Variants in MAF observed in about 807,000 individuals in gnomAD.
The protein encoded by MAF is MAF bZIP transcription factor, also known as transcription factor Maf.
Under a neutral mutation model 22.0 loss-of-function variants are expected in MAF, and 10 were observed. That is an observed-to-expected ratio of 0.45 (90% CI 0.28 to 0.77). MAF has a LOEUF of 0.77. Among genes scored for constraint, MAF ranks in the 30% least tolerant of loss-of-function variants. The pLI, the probability that MAF is intolerant of heterozygous loss-of-function variation, is 0.12. For synonymous variants in MAF, 337 were observed against 255.8 expected (o/e 1.32, Z -3.03); for missense variants, 544 against 548.4 (o/e 0.99, Z 0.08).
the MAF span, among the ~76,000 whole-genome samples, chr16:79,340,998 C>G: frequency 6.6e-6 from 1 of 152,118 alleles, no homozygotes; most frequent in South Asian, 2.1e-4. Context: ...GAGGGACCAG[C>G]TATGCAAAGA....
At chr16:79,386,112 G>A in the MAF span, among the ~76,000 whole-genome samples, 12,241 of 152,184 alleles carry the variant, frequency 0.08, 568 homozygotes, top group South Asian at 0.14. Flanking sequence ...TTTGGCACCA[G>A]GGACTGGTTT....
chr16:79,575,281 G>C, the MAF span, among the ~76,000 whole-genome samples: 1 of 152,154 alleles, frequency 6.6e-6, no homozygotes, highest in African/African-American at 2.4e-5. Context: ...CCCATTATCA[G>C]AAAAGCAGGC....
chr16:79,468,199 G>A, the MAF span, among the ~76,000 whole-genome samples: 1 of 152,120 alleles, frequency 6.6e-6, no homozygotes. Flanking sequence ...CTCACGAGAA[G>A]GTACAGGTGA....
At chr16:79,231,264 G>A in the MAF span, among the ~76,000 whole-genome samples, 1 of 151,984 alleles carries the variant, frequency 6.6e-6, no homozygotes, top group Admixed American at 6.6e-5. Context: ...TTAAGAACCC[G>A]GGCTAGCATG....
At chr16:79,574,648 G>C in the MAF span, among the ~76,000 whole-genome samples, 6 of 152,072 alleles carry the variant, frequency 3.9e-5, no homozygotes, top group Admixed American at 3.9e-4. Context: ...GGGCAATCGG[G>C]GGAATGTGAC....
chr16:79,268,253 C>T, the MAF span, among the ~76,000 whole-genome samples: 1 of 152,108 alleles, frequency 6.6e-6, no homozygotes, highest in Non-Finnish European at 1.5e-5. Context: ...CGTAACTGTA[C>T]CCATACCATG....
the MAF span, among the ~76,000 whole-genome samples, chr16:79,504,814 G>A: frequency 1.3e-5 from 2 of 152,158 alleles, no homozygotes; most frequent in South Asian, 2.1e-4. Flanking sequence ...GTTTGGAGGG[G>A]ACAATATACA....
At chr16:79,574,065 A>G in the MAF span, among the ~76,000 whole-genome samples, 1 of 152,252 alleles carries the variant, frequency 6.6e-6, no homozygotes, top group Non-Finnish European at 1.5e-5. Context: ...GGACACAAAA[A>G]TAAATGAGGC....
downstream of MAF, among the ~76,000 whole-genome samples, chr16:79,585,445 C>T (rs11865785): frequency 0.063 from 9,584 of 152,014 alleles, 419 homozygotes; most frequent in Middle Eastern, 0.12. Context: ...GTTTATGAGG[C>T]CCCGGTAAAA....
chr16:79,351,391 C>T, the MAF span, among the ~76,000 whole-genome samples: 3 of 152,148 alleles, frequency 2.0e-5, no homozygotes, highest in Non-Finnish European at 4.4e-5. Flanking sequence ...CTCCCACCTC[C>T]TTGTGTGTTC....
chr16:79,214,428 G>A, the MAF span, among the ~76,000 whole-genome samples: 22 of 152,184 alleles, frequency 1.4e-4, no homozygotes, highest in Middle Eastern at 3.4e-3. Context: ...TGCTAAGCAG[G>A]CTACATTACC....
the MAF span, among the ~76,000 whole-genome samples, chr16:79,346,296 G>C: frequency 6.6e-6 from 1 of 151,616 alleles, no homozygotes; most frequent in African/African-American, 2.4e-5. Context: ...CTGTCCTTGC[G>C]ATAGTTTGCT....
the MAF span, among the ~76,000 whole-genome samples, chr16:79,402,695 G>A: frequency 1.3e-5 from 2 of 152,218 alleles, no homozygotes; most frequent in Non-Finnish European, 2.9e-5. Context: ...TGCTTGGCAG[G>A]GCAGGTTTCT....
chr16:79,537,034 T>C, the MAF span, among the ~76,000 whole-genome samples: 1 of 152,160 alleles, frequency 6.6e-6, no homozygotes, highest in Non-Finnish European at 1.5e-5. Context: ...GTACAGTGTG[T>C]TTGTGTGTGT....
the MAF span, among the ~76,000 whole-genome samples, chr16:79,338,466 G>T: frequency 6.6e-6 from 1 of 152,114 alleles, no homozygotes; most frequent in East Asian, 1.9e-4. Context: ...CAGAATGAAG[G>T]CTTCAGCAAC....
At chr16:79,500,485 C>T in the MAF span, among the ~76,000 whole-genome samples, 1 of 152,126 alleles carries the variant, frequency 6.6e-6, no homozygotes. Context: ...CCAGTAGTTG[C>T]TTGTCATGAA....
the MAF span, among the ~76,000 whole-genome samples, chr16:79,575,216 T>C: frequency 0.023 from 3,465 of 152,076 alleles, 63 homozygotes; most frequent in Middle Eastern, 0.061. Context: ...AGTACAAGTT[T>C]CCCTCTCCCC....
At chr16:79,215,834 C>A in the MAF span, among the ~76,000 whole-genome samples, 9 of 152,180 alleles carry the variant, frequency 5.9e-5, no homozygotes, top group African/African-American at 2.2e-4. Flanking sequence ...TCACAAAGCA[C>A]AACGTCCTAC....
downstream of MAF, among the ~76,000 whole-genome samples, chr16:79,592,682 C>G (rs1459765596): frequency 6.6e-6 from 1 of 152,130 alleles, no homozygotes; most frequent in Admixed American, 6.5e-5. Flanking sequence ...CTCAGAACAA[C>G]AAGGAAGGCA....
Sources: allele counts gnomAD v4.1 joint callset (sites outside exome capture counted in the v4.1 genomes callset), GRCh38; gene constraint gnomAD v4.1.1; transcripts MANE v1.5; gene names NCBI Gene and HGNC (gene_info 2026-07-23, HGNC 2026-07-21).